Variants in PRPF6 observed in about 807,000 individuals in gnomAD.
PRPF6 encodes pre-mRNA processing factor 6.
A neutral mutation model predicts 118.3 loss-of-function variants in PRPF6; 42 were observed. The observed-to-expected ratio is 0.35, with a 90% CI of 0.28 to 0.46. The LOEUF is 0.46. PRPF6 is among the 20% of genes least tolerant of loss of function. PRPF6 has a pLI of 1.00. For synonymous variants in PRPF6, 481 were observed against 485.1 expected (o/e 0.99, Z 0.11); for missense variants, 662 against 1,255.7 (o/e 0.53, Z 7.15).
At chr20:64,002,568 A>G (rs2059172477) in intron 9 of PRPF6, among the ~76,000 whole-genome samples, 1 of 142,732 alleles carries the variant, frequency 7.0e-6, no homozygotes, top group South Asian at 2.2e-4. Flanking sequence ...ACTCCTGACC[A>G]CAAGTGATCC....
chr20:64,025,896 C>T lies in PRPF6; in HGVS notation c.1909-43C>T, dbSNP rs373652789. ...ATTAAGTGTGATCAGGCGCTGGTCC[C>T]TGTGTTCTGACCCCTCTTGACGCTG... On this transcript the variant is annotated intron_variant, in intron 14 of 20. Transcript: ENST00000266079. The T allele has an allele frequency of 6.2e-6, 10 of 1,613,064 alleles. No individual in the cohort carries two copies. The African/African-American group carries it at 9.3e-5, about 15-fold the overall frequency.
intron 9 of PRPF6, among the ~76,000 whole-genome samples, chr20:64,009,230 G>A (rs1286935904): frequency 3.0e-5 from 4 of 134,586 alleles, no homozygotes; most frequent in South Asian, 2.3e-4. Flanking sequence ...GCAGTGAGCC[G>A]AGATCACGCC....
At chr20:64,004,312 A>C (rs1166376505) in intron 9 of PRPF6, among the ~76,000 whole-genome samples, 1 of 152,260 alleles carries the variant, frequency 6.6e-6, no homozygotes, top group Non-Finnish European at 1.5e-5. Flanking sequence ...CAGGATCTCC[A>C]GGATGGCCTT....
chr20:63,983,383 C>T (rs1433700455), intron 2 of PRPF6, among the ~76,000 whole-genome samples, 168 bp downstream of exon 2: 4 of 152,048 alleles, frequency 2.6e-5, no homozygotes, highest in Non-Finnish European at 4.4e-5. Flanking sequence ...AGGAAAAACA[C>T]GGAGAAATGT....
At position 63,984,976 on chromosome 20, in the gene PRPF6, A is replaced by G. The variant is rs1292458832; in HGVS notation, c.310A>G (p.Ile104Val). The G allele has an allele frequency of 8.7e-6, 14 of 1,613,750 alleles. No homozygotes were observed. The highest frequency in any genetic ancestry group is 1.3e-5 in the African/African-American group (1 of 74,924). The change falls in exon 3 of 21, where the codon ATC (isoleucine) becomes GTC (valine). Residue 104 changes from isoleucine to valine, a missense_variant. Physicochemically the swap from Ile to Val is conservative, Grantham distance 29. This residue lies in a region of PRPF6 where 20 missense variants were observed against 69.4 expected (regional missense o/e 0.29). Coordinates refer to ENST00000266079, the MANE Select transcript of PRPF6 (RefSeq NM_012469.4). The part of the protein sequence containing the change: ...YEKDDEEADA[I>V]YAALDKRMDE... ...GAAAGATGATGAGGAAGCAGATGCT[A>G]TCTATGCAGCCCTGGATAAAAGGAT...
rs1444545971 is a variant in PRPF6 at position 63,984,966 on chromosome 20, A to G, written c.300A>G (p.Glu100=). Residue 100 remains glutamate, a synonymous_variant, in exon 3 of 21, where the codon GAA becomes GAG. Coordinates refer to ENST00000266079, the MANE Select transcript of PRPF6 (RefSeq NM_012469.4). ...GACCCTACGAGAAAGATGATGAGGAAGCAGATGCTATCTATGCAGCCCTGG... is the reference window on the plus strand; with the variant it reads ...GACCCTACGAGAAAGATGATGAGGAGGCAGATGCTATCTATGCAGCCCTGG... The part of the protein sequence containing the change: ...SSGPYEKDDE[E]ADAIYAALDK... 1.2e-6 allele frequency: 2 copies of G among 1,613,920 alleles called. No individual in the cohort carries two copies. Among genetic ancestry groups the G allele is most frequent in the Admixed American group, 3.3e-5 (2 of 60,014 alleles).
rs142355708 is a variant in PRPF6, at chr20:64,031,404, C to T, written c.2547-514C>T. On this transcript the variant is annotated intron_variant, in intron 19 of 20. Coordinates refer to ENST00000266079, the MANE Select transcript of PRPF6 (RefSeq NM_012469.4). ...TTTAAGAAACAGTTTGGGACAGGTG[C>T]GGTGGCTCATGCCTATAATCCCAGC... is the stretch of plus-strand genomic sequence containing the variant. Among the ~76,000 whole-genome samples, 271 of 152,296 alleles carry T rather than the reference C, an allele frequency of 1.8e-3. 1 individual carries two copies. The highest frequency in any genetic ancestry group is 5.7e-3 in the African/African-American group (237 of 41,570).
rs981087223 is a variant in PRPF6 at position 64,027,839 on chromosome 20, A to T, written c.2339+103A>T. ...GTGGAGTCACTCGTGCAGTGCTTCC[A>T]GGCTCAGGGGCTTGGGGGGCGGTAG... On this transcript the variant is annotated intron_variant, in intron 17 of 20. Coordinates refer to ENST00000266079, the MANE Select transcript of PRPF6 (RefSeq NM_012469.4). The surrounding 1 kb of genome is among the most constrained non-coding windows in gnomAD (Gnocchi z 6.5). 7 of 1,531,546 alleles carry T rather than the reference A, an allele frequency of 4.6e-6. No homozygotes were observed. The highest frequency in any genetic ancestry group is 1.4e-5 in the African/African-American group (1 of 73,074). The allele number at this position is 1,531,546 out of a possible 1,614,324, so 94.9% of individuals were successfully genotyped here.
rs964555464 is a variant in PRPF6, at chr20:64,011,748, C to T, written c.1524+245C>T. ...GCCCTTTCAGTGTGTGCACACCTGA[C>T]TGCATTTCTTTGCTAGTAGAAATGA... On this transcript the variant is annotated intron_variant, in intron 11 of 20. Coordinates refer to ENST00000266079, the MANE Select transcript of PRPF6 (RefSeq NM_012469.4). The surrounding 1 kb of genome is among the most constrained non-coding windows in gnomAD (Gnocchi z 6.7). 6.6e-6 allele frequency among the ~76,000 whole-genome samples: 1 copy of T among 152,244 alleles called. No individual in the cohort carries two copies. The highest frequency in any genetic ancestry group is 2.4e-5 in the African/African-American group (1 of 41,466).
chr20:64,017,276 CATGCCTGG>C (rs201728084), intron 12 of PRPF6, among the ~76,000 whole-genome samples: 1,651 of 148,136 alleles, frequency 0.011, 37 homozygotes, highest in African/African-American at 0.039. Flanking sequence ...CGTGAGCCGC[CATGCCTGG>C]CCTCCCAAAG....
chr20:64,001,715 C>T (rs1341165901), intron 9 of PRPF6, among the ~76,000 whole-genome samples: 1 of 152,240 alleles, frequency 6.6e-6, no homozygotes, highest in Non-Finnish European at 1.5e-5. Flanking sequence ...CGAGGCTGTG[C>T]CTTCTGCTCC....
intron 3 of PRPF6, among the ~76,000 whole-genome samples, chr20:63,987,396 A>G (rs1456589149): frequency 6.6e-6 from 1 of 151,470 alleles, no homozygotes; most frequent in African/African-American, 2.4e-5. Context: ...AATTTCAGCT[A>G]CTCAGGAGGT....
At chr20:64,030,300 G>A (rs898264787) in intron 19 of PRPF6, among the ~76,000 whole-genome samples, 13 of 152,178 alleles carry the variant, frequency 8.5e-5, no homozygotes, top group Non-Finnish European at 2.9e-5. Context: ...CAGGACGTGG[G>A]CTCACCTGGC....
In PRPF6 at chr20:63,984,827, A is replaced by G. The variant is rs1373231071; in HGVS notation, c.241-80A>G. The stretch of plus-strand genomic sequence containing the variant: ...AAGAAAATAATTTAGCAAGTATTTC[A>G]CAAGTAGAGATCTCCGTTTCGCTGG... On this transcript the variant is annotated intron_variant, in intron 2 of 20. Transcript: ENST00000266079. 17 of 1,019,936 alleles carry G rather than the reference A, an allele frequency of 1.7e-5. No individual in the cohort carries two copies. The East Asian group carries it at 2.2e-4, about 13-fold the overall frequency. 63.2% of individuals were successfully genotyped at this position (1,019,936 alleles called of 1,614,324 possible). A position where few individuals can be genotyped will look rare whatever the true frequency, so the allele number is the denominator to read the frequency against.
intron 8 of PRPF6, among the ~76,000 whole-genome samples, chr20:64,000,456 C>CAAAA (rs11476285): frequency 9.0e-6 from 1 of 111,412 alleles, no homozygotes; most frequent in Non-Finnish European, 1.9e-5. Flanking sequence ...GATTCCGTCT[C>CAAAA]AAAAAAAAAA....
At chr20:64,005,394 A>T (rs2123038376) in intron 9 of PRPF6, among the ~76,000 whole-genome samples, 1 of 152,340 alleles carries the variant, frequency 6.6e-6, no homozygotes, top group East Asian at 1.9e-4. Context: ...GTTCATATTT[A>T]GACAAATAGA....
intron 9 of PRPF6, 149 bp downstream of exon 9, chr20:64,001,388 C>T: frequency 1.1e-6 from 1 of 946,658 alleles, no homozygotes; most frequent in Non-Finnish European, 1.6e-6. Flanking sequence ...TGCCTCTGCC[C>T]TTGGACCCCC....
intron 12 of PRPF6, among the ~76,000 whole-genome samples, chr20:64,017,670 G>A (rs2059245486): frequency 6.6e-6 from 1 of 152,220 alleles, no homozygotes; most frequent in African/African-American, 2.4e-5. Context: ...GGCGTGAGGC[G>A]CCACGCCTGG....
intron 6 of PRPF6, among the ~76,000 whole-genome samples, chr20:63,996,267 C>T (rs1400256409): frequency 2.0e-5 from 3 of 152,048 alleles, no homozygotes; most frequent in Non-Finnish European, 2.9e-5. Flanking sequence ...TGAACCCGGG[C>T]GTTGGAGGTT....
Sources: gnomAD v4.1 joint callset for allele counts (sites outside exome capture counted in the v4.1 genomes callset) on GRCh38, gnomAD v4.1.1 for gene constraint, gnomAD v4.1.1 regional missense constraint, Gnocchi (gnomAD v3.1) non-coding constraint, MANE v1.5 for transcripts, NCBI Gene and HGNC (gene_info 2026-07-23, HGNC 2026-07-21) for gene names.